Variants in EIF4E2 observed in about 807,000 individuals in gnomAD.
EIF4E2 encodes eukaryotic translation initiation factor 4E family member 2.
EIF4E2 carries 13 observed loss-of-function variants against 34.2 expected under a neutral mutation model. That is an observed-to-expected ratio of 0.38 (90% CI 0.25 to 0.60). The LOEUF is 0.60. Ranked by LOEUF, EIF4E2 falls within the 20% of genes least tolerant of loss-of-function variation. EIF4E2 has a pLI of 0.62. For synonymous variants in EIF4E2, 100 were observed against 106.6 expected (o/e 0.94, Z 0.38); for missense variants, 222 against 315.1 (o/e 0.70, Z 2.24).
At chr2:232,576,733 G>A (rs1004872688) in intron 6 of EIF4E2, among the ~76,000 whole-genome samples, 2 of 152,112 alleles carry the variant, frequency 1.3e-5, no homozygotes, top group African/African-American at 4.8e-5. Flanking sequence ...ATTTAACCTC[G>A]CTGTAAGTGA....
chr2:232,576,580 A>T (rs1453704843), intron 6 of EIF4E2, among the ~76,000 whole-genome samples: 1 of 152,182 alleles, frequency 6.6e-6, no homozygotes, highest in Non-Finnish European at 1.5e-5. Flanking sequence ...CAGGCTTGGA[A>T]GTCCGTGAAG....
chr2:232,574,197 T>C, downstream of EIF4E2: 3 of 1,479,876 alleles, frequency 2.0e-6, no homozygotes, highest in Non-Finnish European at 2.8e-6. Flanking sequence ...TTATTGTGTC[T>C]GCTCTCTGTG....
exon 7 of EIF4E2, chr2:232,582,015 T>A (rs1568830): frequency 6.6e-6 from 1 of 152,380 alleles, no homozygotes; most frequent in Non-Finnish European, 1.5e-5. Context: ...GTGTGCTGAT[T>A]GTGATGCCCA....
intron 6 of EIF4E2, among the ~76,000 whole-genome samples, chr2:232,580,319 A>G (rs1693320891): frequency 6.6e-6 from 1 of 152,144 alleles, no homozygotes; most frequent in African/African-American, 2.4e-5. Context: ...AATGTTTTCA[A>G]AAGTGTGTGT....
At chr2:232,574,192 G>T (rs975726086), downstream of EIF4E2, 20 of 1,454,452 alleles carry the variant, frequency 1.4e-5, no homozygotes, top group Non-Finnish European at 1.9e-5. Flanking sequence ...TGGGGTTATT[G>T]TGTCTGCTCT....
Position 232,569,073 on chromosome 2 carries a change from G to T in EIF4E2, c.*56G>T. The T allele has an allele frequency of 6.2e-7, 1 of 1,600,712 alleles. No homozygotes were observed. The highest frequency in any genetic ancestry group is 1.1e-5 in the South Asian group (1 of 89,094). ...GAAGCTGGCGTCATCGGAGTCTCTTGTTCTGTTGGCGTGCTACCTGGAAGA... is the reference window on the plus strand; with the variant it reads ...GAAGCTGGCGTCATCGGAGTCTCTTTTTCTGTTGGCGTGCTACCTGGAAGA... On this transcript the variant is annotated 3_prime_UTR_variant, in exon 7 of 7. Coordinates refer to ENST00000258416, the MANE Select transcript of EIF4E2 (RefSeq NM_004846.4).
intron 1 of EIF4E2, chr2:232,551,109 T>A (rs1051278772): frequency 2.4e-5 from 14 of 592,936 alleles, no homozygotes; most frequent in Non-Finnish European, 4.2e-5. Context: ...GCGCTGCCTC[T>A]GAATCCAGCT....
chr2:232,555,011 C>A (rs922970703), intron 1 of EIF4E2, among the ~76,000 whole-genome samples: 1 of 152,168 alleles, frequency 6.6e-6, no homozygotes, highest in African/African-American at 2.4e-5. Context: ...TGGCACAGGG[C>A]ATAACCTCCT....
At chr2:232,568,849 C>G in intron 6 of EIF4E2, 96 bp from the exon 7 acceptor site, 1 of 1,567,740 alleles carries the variant, frequency 6.4e-7, no homozygotes, top group Non-Finnish European at 8.7e-7. Context: ...CTGTAGAGAC[C>G]AGAAGACCAA....
chr2:232,578,638 CTGAA>C (rs1446401226), intron 6 of EIF4E2, among the ~76,000 whole-genome samples: 1 of 151,568 alleles, frequency 6.6e-6, no homozygotes, highest in Non-Finnish European at 1.5e-5. Context: ...AAAAAAAAAT[CTGAA>C]TGAGAAAGTG....
chr2:232,558,076 A>G, intron 3 of EIF4E2, 58 bp downstream of exon 3: 4 of 1,572,528 alleles, frequency 2.5e-6, no homozygotes, highest in Non-Finnish European at 3.5e-6. Flanking sequence ...GCCTGTATTG[A>G]TATGATGTTT....
intron 1 of EIF4E2, among the ~76,000 whole-genome samples, chr2:232,555,344 A>G (rs1692483891): frequency 6.6e-6 from 1 of 152,204 alleles, no homozygotes; most frequent in African/African-American, 2.4e-5. Context: ...CAGCCCTAAA[A>G]TAAATGGCTT....
At chr2:232,563,411 G>C (rs1423440402) in intron 3 of EIF4E2, among the ~76,000 whole-genome samples, 1 of 151,586 alleles carries the variant, frequency 6.6e-6, no homozygotes, top group Non-Finnish European at 1.5e-5. Flanking sequence ...TTTAAGGGGA[G>C]GGGGGGTGAC....
At chr2:232,556,648 T>G (rs1470664214) in intron 2 of EIF4E2, 118 bp downstream of exon 2, 1 of 738,234 alleles carries the variant, frequency 1.4e-6, no homozygotes, top group Non-Finnish European at 2.3e-6. Flanking sequence ...TTGGAATATC[T>G]GACTTTGTTC....
At chr2:232,579,272 T>A (rs1051368042) in intron 6 of EIF4E2, among the ~76,000 whole-genome samples, 1 of 152,174 alleles carries the variant, frequency 6.6e-6, no homozygotes, top group African/African-American at 2.4e-5. Flanking sequence ...AAGAATTTTT[T>A]AAAAATACCA....
At chr2:232,580,845 C>T (rs1693336714) in intron 6 of EIF4E2, 3 of 1,446,586 alleles carry the variant, frequency 2.1e-6, no homozygotes, top group Non-Finnish European at 2.8e-6. Context: ...TATATGTGTG[C>T]TTCTGTATAG....
rs1693030745 is a variant in EIF4E2, at chr2:232,569,122, A to G, written c.*105A>G. 2.6e-6 allele frequency: 4 copies of G among 1,523,056 alleles called. No homozygotes were observed. The highest frequency in any genetic ancestry group is 3.5e-6 in the Non-Finnish European group (4 of 1,133,464). The allele number at this position is 1,523,056 out of a possible 1,614,324, so 94.3% of individuals were successfully genotyped here. A position where few individuals can be genotyped will look rare whatever the true frequency, so the allele number is the denominator to read the frequency against. ...GATCCTTCTGTCCTGGACAAGAGGA[A>G]TTGGAAGAGCATTTTATGTTTTAAG... On this transcript the variant is annotated 3_prime_UTR_variant, in exon 7 of 7. Transcript: ENST00000258416.
At chr2:232,564,058 T>C (rs1306605161) in intron 3 of EIF4E2, among the ~76,000 whole-genome samples, 189 bp from the exon 4 acceptor site, 2 of 152,254 alleles carry the variant, frequency 1.3e-5, no homozygotes, top group African/African-American at 4.8e-5. Flanking sequence ...TTTGTCAAAC[T>C]AGATGGTATG....
chr2:232,567,708 AGT>A (rs1574671795), intron 6 of EIF4E2: 1 of 996,168 alleles, frequency 1.0e-6, no homozygotes, highest in Non-Finnish European at 1.2e-6. Context: ...GAAGGGGGAT[AGT>A]GTGTGTGTGA....
Sources: allele counts gnomAD v4.1 joint callset (sites outside exome capture counted in the v4.1 genomes callset), GRCh38; gene constraint gnomAD v4.1.1; transcripts MANE v1.5; gene names NCBI Gene and HGNC (gene_info 2026-07-23, HGNC 2026-07-21).